The following PMFBP1 variants were observed in gnomAD, a reference collection of about 807,000 sequenced individuals.
PMFBP1 encodes the protein polyamine modulated factor 1 binding protein 1.
A neutral mutation model predicts 137.8 loss-of-function variants in PMFBP1; 131 were observed. The observed-to-expected ratio is 0.95, with a 90% confidence interval of 0.82 to 1.10. PMFBP1 has a LOEUF of 1.10. Among genes scored for constraint, PMFBP1 ranks in the 50% least tolerant of loss-of-function variants. The probability of loss-of-function intolerance (pLI) is 0.00; values close to 1 mark genes in which losing one functional copy is unlikely to be tolerated. For missense variants in PMFBP1, 1,199 were observed against 1,175.4 expected (o/e 1.02, Z -0.29); for synonymous variants, 490 against 450.4 (o/e 1.09, Z -1.11).
At chr16:72,190,046 G>A in the PMFBP1 span, among the ~76,000 whole-genome samples, 2 of 152,110 alleles carry the variant, frequency 1.3e-5, no homozygotes, top group Admixed American at 1.3e-4. Flanking sequence ...CCAATCTTAG[G>A]TTCTACACTA....
chr16:72,118,885 T>G (rs2042335821), downstream of PMFBP1, among the ~76,000 whole-genome samples: 1 of 152,276 alleles, frequency 6.6e-6, no homozygotes, highest in East Asian at 1.9e-4. Flanking sequence ...TCTTTTTAAG[T>G]TTCAGATAGT....
the PMFBP1 span, among the ~76,000 whole-genome samples, chr16:72,212,603 A>C: frequency 6.6e-6 from 1 of 152,208 alleles, no homozygotes; most frequent in Non-Finnish European, 1.5e-5. Context: ...CAGGTCCAAC[A>C]TCCAACTGAT....
intron 17 of PMFBP1, 64 bp downstream of exon 17, chr16:72,124,703 G>C: frequency 6.4e-7 from 1 of 1,551,376 alleles, no homozygotes; most frequent in Non-Finnish European, 8.8e-7. Context: ...TCTGGCATTT[G>C]GGTGGTCATA....
the PMFBP1 span, among the ~76,000 whole-genome samples, chr16:72,194,559 T>A: frequency 6.6e-6 from 1 of 152,228 alleles, no homozygotes; most frequent in Non-Finnish European, 1.5e-5. Context: ...CTGAAAATCT[T>A]TGAGCTTGAG....
rs147267326 is a variant in PMFBP1, at chr16:72,120,063, A to G, written c.2795T>C (p.Leu932Ser). 23 of 1,613,952 alleles carry G rather than the reference A, an allele frequency of 1.4e-5. No individual in the cohort carries two copies. Among genetic ancestry groups the G allele is most frequent in the Non-Finnish European group, 1.7e-5 (20 of 1,180,028 alleles). ...KDHLHSVMVHLQQENKKLKKE... is the reference protein window; with the variant it reads ...KDHLHSVMVHSQQENKKLKKE... The stretch of plus-strand genomic sequence containing the variant: ...CTTCAGCTTCTTGTTTTCCTGCTGC[A>G]AGTGGACCATTACACTGTGGAGGTG... The change falls in exon 20 of 21, where the codon TTG (leucine) becomes TCG (serine). Residue 932 changes from leucine to serine, a missense_variant. Coordinates refer to ENST00000237353, the MANE Select transcript of PMFBP1 (RefSeq NM_031293.3).
rs747190625 is a variant in PMFBP1, at chr16:72,136,620, GA to G, written c.1046-16del. 6.2e-7 allele frequency: 1 copy of G among 1,614,008 alleles called. No homozygotes were observed. The highest frequency in any genetic ancestry group is 8.5e-7 in the Non-Finnish European group (1 of 1,180,004). The stretch of plus-strand genomic sequence containing the variant: ...CTTCATCATGTCTACCATGGGGCGG[GA>G]CAGAGTCTATGCTCAGGGGAGAGTT... On this transcript the variant is annotated splice_polypyrimidine_tract_variant and intron_variant, in intron 8 of 20. Coordinates refer to ENST00000237353, the MANE Select transcript of PMFBP1 (RefSeq NM_031293.3).
intron 3 of PMFBP1, among the ~76,000 whole-genome samples, chr16:72,161,563 A>T (rs984163253): frequency 1.3e-5 from 2 of 152,014 alleles, no homozygotes; most frequent in African/African-American, 4.8e-5. Flanking sequence ...CATTCACTTT[A>T]AAAAAAGTAT....
chr16:72,214,366 G>A, the PMFBP1 span, among the ~76,000 whole-genome samples: 19 of 152,122 alleles, frequency 1.2e-4, no homozygotes, highest in Non-Finnish European at 1.8e-4. Flanking sequence ...TAGTAGAGAC[G>A]GGGTTTTGCC....
At chr16:72,168,704 C>T (rs573849560) in intron 2 of PMFBP1, among the ~76,000 whole-genome samples, 1 of 152,132 alleles carries the variant, frequency 6.6e-6, no homozygotes, top group South Asian at 2.1e-4. Flanking sequence ...ACTTAGATAC[C>T]CGGTTTCTCT....
In PMFBP1 at chr16:72,125,383, G is replaced by C; in HGVS notation, c.2276C>G (p.Thr759Arg). 6.2e-7 allele frequency: 1 copy of C among 1,609,750 alleles called. No homozygotes were observed. Among genetic ancestry groups the C allele is most frequent in the Non-Finnish European group, 8.5e-7 (1 of 1,179,012 alleles). Reference protein sequence around the residue: ...LEKLNHVTSETKSLQQSLTQT... With the variant: ...LEKLNHVTSERKSLQQSLTQT... ...TGTCAAGCTTTGCTGCAGGCTCTTTGTCTCTGAGGTCACGTGATTGAGCTT... is the reference window on the plus strand; with the variant it reads ...TGTCAAGCTTTGCTGCAGGCTCTTTCTCTCTGAGGTCACGTGATTGAGCTT... The change falls in exon 16 of 21, where the codon ACA (threonine) becomes AGA (arginine). Residue 759 changes from threonine to arginine, a missense_variant. Thr to Arg is a moderately conservative substitution (Grantham distance 71). Transcript: ENST00000237353.
At chr16:72,129,319 G>A in intron 12 of PMFBP1, 86 bp from the exon 13 acceptor site, 2 of 1,428,962 alleles carry the variant, frequency 1.4e-6, no homozygotes, top group Non-Finnish European at 1.9e-6. Context: ...CACAGGGCAT[G>A]GCTGAGATGA....
downstream of PMFBP1, chr16:72,119,091 A>C (rs2042338721): frequency 2.2e-6 from 1 of 457,818 alleles, no homozygotes; most frequent in Non-Finnish European, 3.9e-6. Flanking sequence ...AGCTCACCAC[A>C]ACTGCTGTGC....
intron 3 of PMFBP1, among the ~76,000 whole-genome samples, chr16:72,156,206 C>T (rs543576288): frequency 3.3e-5 from 5 of 152,228 alleles, no homozygotes; most frequent in East Asian, 1.9e-4. Context: ...AAGTTGGTCT[C>T]GAACTCCTAA....
At chr16:72,245,874 A>G in the PMFBP1 span, among the ~76,000 whole-genome samples, 1 of 152,172 alleles carries the variant, frequency 6.6e-6, no homozygotes, top group Non-Finnish European at 1.5e-5. Flanking sequence ...ACCCAGCATG[A>G]CACTCTCTAT....
the PMFBP1 span, among the ~76,000 whole-genome samples, chr16:72,189,065 T>G: frequency 6.6e-6 from 1 of 152,038 alleles, no homozygotes; most frequent in Non-Finnish European, 1.5e-5. Flanking sequence ...GTGTTGACTT[T>G]TTTTTTTTTG....
At chr16:72,237,335 G>A in the PMFBP1 span, among the ~76,000 whole-genome samples, 1 of 152,068 alleles carries the variant, frequency 6.6e-6, no homozygotes, top group East Asian at 1.9e-4. Context: ...ATCCTCCTTG[G>A]CCATATCTAA....
chr16:72,139,187 A>C (rs1297698750), intron 7 of PMFBP1, 102 bp downstream of exon 7: 20 of 844,732 alleles, frequency 2.4e-5, no homozygotes, highest in Middle Eastern at 3.5e-4. Context: ...TATAAAATAA[A>C]ATATAAATTG....
At chr16:72,225,476 G>C in the PMFBP1 span, among the ~76,000 whole-genome samples, 1 of 151,954 alleles carries the variant, frequency 6.6e-6, no homozygotes, top group Non-Finnish European at 1.5e-5. Context: ...GATCACTTGA[G>C]CCCAGAAATT....
the PMFBP1 span, among the ~76,000 whole-genome samples, chr16:72,232,220 G>A: frequency 2.0e-5 from 3 of 152,172 alleles, no homozygotes; most frequent in African/African-American, 7.2e-5. Flanking sequence ...TTATCATGAT[G>A]TCTGATTTGA....
Sources: allele counts gnomAD v4.1 joint callset (sites outside exome capture counted in the v4.1 genomes callset), GRCh38; gene constraint gnomAD v4.1.1; transcripts MANE v1.5; gene names NCBI Gene and HGNC (gene_info 2026-07-23, HGNC 2026-07-21).